Variants in ADAMTS17 observed in about 807,000 individuals in gnomAD.
ADAMTS17 encodes A disintegrin and metalloproteinase with thrombospondin motifs 17.
In ADAMTS17, 113 loss-of-function variants were observed where a neutral mutation model predicts 141.5. The ratio of observed to expected loss-of-function variants is 0.80; its 90% CI spans 0.69 to 0.93. The LOEUF is 0.93. ADAMTS17 is among the 40% of genes least tolerant of loss of function. The probability of loss-of-function intolerance (pLI) is 0.00; values close to 1 mark genes in which losing one functional copy is unlikely to be tolerated. For synonymous variants in ADAMTS17, 768 were observed against 630.6 expected (o/e 1.22, Z -3.27); for missense variants, 1,659 against 1,517.9 (o/e 1.09, Z -1.54).
intron 8 of ADAMTS17, among the ~76,000 whole-genome samples, chr15:100,185,061 T>C (rs2040660477): frequency 6.6e-6 from 1 of 152,302 alleles, no homozygotes; most frequent in South Asian, 2.1e-4. Context: ...GACAGTGCAA[T>C]GAAAGCAATC....
At chr15:100,228,025 C>T (rs139838954) in intron 7 of ADAMTS17, among the ~76,000 whole-genome samples, 148 of 152,332 alleles carry the variant, frequency 9.7e-4, no homozygotes, top group African/African-American at 2.8e-3. Context: ...AAATCCACGA[C>T]GCTTTGTGGA....
intron 8 of ADAMTS17, among the ~76,000 whole-genome samples, chr15:100,178,026 T>C (rs1443761179): frequency 2.0e-5 from 3 of 152,196 alleles, no homozygotes; most frequent in Non-Finnish European, 4.4e-5. Context: ...ATTTTTTCAA[T>C]TTTTAAAATT....
At chr15:100,108,586 C>T (rs920289989) in intron 14 of ADAMTS17, among the ~76,000 whole-genome samples, 6 of 152,210 alleles carry the variant, frequency 3.9e-5, no homozygotes, top group South Asian at 2.1e-4. Flanking sequence ...GACAGCTGGG[C>T]GCACCTATCT....
rs145468892 is a variant in ADAMTS17, at chr15:100,031,350, G to A, written c.2591+17507C>T. Among the ~76,000 whole-genome samples, 504 of 152,366 alleles carry A rather than the reference G, an allele frequency of 3.3e-3. 4 individuals carry two copies. Among genetic ancestry groups the A allele is most frequent in the Middle Eastern group, 0.01 (3 of 294 alleles). On this transcript the variant is annotated intron_variant, in intron 18 of 21. Transcript: ENST00000268070. ...AAACAAATCCATTTCAATAAAGGCT[G>A]CTGTAAAGCATGAGCAGGTAAAGGA... is the stretch of plus-strand genomic sequence containing the variant.
intron 18 of ADAMTS17, among the ~76,000 whole-genome samples, chr15:100,002,587 A>T (rs1247765441): frequency 1.3e-5 from 2 of 152,062 alleles, no homozygotes; most frequent in Non-Finnish European, 2.9e-5. Flanking sequence ...AAAAAGCCAG[A>T]TCTGCGGGGA....
chr15:100,048,437 TG>T lies in ADAMTS17; in HGVS notation c.2591+419del, dbSNP rs1415764033. On this transcript the variant is annotated intron_variant, in intron 18 of 21. Coordinates refer to ENST00000268070, the MANE Select transcript of ADAMTS17 (RefSeq NM_139057.4). ...AATAAACACCAAGATCCACACTCAC[TG>T]GCATGAATTTCAGCCACTGAAACAG... Among the ~76,000 whole-genome samples, 3 of 152,258 alleles carry T rather than the reference TG, an allele frequency of 2.0e-5. No individual in the cohort carries two copies. In the East Asian group the frequency reaches 5.8e-4, roughly 29 times the overall value.
intron 8 of ADAMTS17, among the ~76,000 whole-genome samples, chr15:100,193,711 G>A (rs895221861): frequency 3.3e-5 from 5 of 151,798 alleles, no homozygotes; most frequent in African/African-American, 7.2e-5. Flanking sequence ...CACCATCTAC[G>A]CCAAGCTCCC....
chr15:100,010,024 C>T (rs1020687866), intron 18 of ADAMTS17, among the ~76,000 whole-genome samples: 14 of 152,076 alleles, frequency 9.2e-5, no homozygotes, highest in African/African-American at 3.1e-4. Flanking sequence ...GTTTTTTTCC[C>T]GTGCTGTTCT....
rs189232176 is a variant in ADAMTS17 at position 100,285,421 on chromosome 15, G to C, written c.617-4020C>G. 2.0e-3 allele frequency among the ~76,000 whole-genome samples: 304 copies of C among 152,258 alleles called. 7 individuals are homozygous for C. Among genetic ancestry groups the C allele is most frequent in the Admixed American group, 0.019 (283 of 15,294 alleles). On this transcript the variant is annotated intron_variant, in intron 3 of 21. Coordinates refer to ENST00000268070, the MANE Select transcript of ADAMTS17 (RefSeq NM_139057.4). ...ACTGTGAATTATCAAAGCTCTGTAT[G>C]GAACAGATACTCTTTAGTTTAGAAA...
intron 18 of ADAMTS17, among the ~76,000 whole-genome samples, chr15:100,009,831 A>C (rs184184338): frequency 2.0e-5 from 3 of 152,292 alleles, no homozygotes; most frequent in African/African-American, 7.2e-5. Context: ...GACATGAGGG[A>C]CAGAACACTC....
At chr15:100,095,548 G>C (rs1205774733) in intron 15 of ADAMTS17, among the ~76,000 whole-genome samples, 1 of 152,158 alleles carries the variant, frequency 6.6e-6, no homozygotes, top group African/African-American at 2.4e-5. Flanking sequence ...ATTAAAATAA[G>C]TTTCTCAGCT....
chr15:100,004,829 C>T (rs2061006609), intron 18 of ADAMTS17, among the ~76,000 whole-genome samples: 2 of 152,110 alleles, frequency 1.3e-5, no homozygotes, highest in East Asian at 3.9e-4. Context: ...CCATGTTGGC[C>T]AGGCTGGTCT....
intron 15 of ADAMTS17, among the ~76,000 whole-genome samples, chr15:100,055,192 A>G (rs1202134553): frequency 6.6e-6 from 1 of 152,062 alleles, no homozygotes; most frequent in Non-Finnish European, 1.5e-5. Context: ...CATATATCTC[A>G]TTGGGACCCT....
At chr15:100,189,085 C>G (rs2040826430) in intron 8 of ADAMTS17, among the ~76,000 whole-genome samples, 1 of 152,186 alleles carries the variant, frequency 6.6e-6, no homozygotes, top group Non-Finnish European at 1.5e-5. Context: ...GGCCTGAGCC[C>G]TGCATTTCCA....
intron 10 of ADAMTS17, among the ~76,000 whole-genome samples, chr15:100,133,891 G>C (rs753675999): frequency 7.2e-5 from 5 of 69,084 alleles, no homozygotes; most frequent in Non-Finnish European, 1.7e-4. Flanking sequence ...GCTCAGCTGA[G>C]CTGTGCACAA....
At chr15:100,052,590 G>A (rs927399070) in intron 16 of ADAMTS17, among the ~76,000 whole-genome samples, 6 of 152,186 alleles carry the variant, frequency 3.9e-5, no homozygotes, top group Non-Finnish European at 7.3e-5. Context: ...GTGTTTGCTA[G>A]AGAAAGCAAA....
chr15:100,265,863 T>C (rs2043696507), intron 4 of ADAMTS17, among the ~76,000 whole-genome samples: 1 of 152,224 alleles, frequency 6.6e-6, no homozygotes, highest in Non-Finnish European at 1.5e-5. Context: ...ATGCACATTC[T>C]GGAGTCCACC....
At chr15:100,120,837 A>T (rs939083351) in intron 12 of ADAMTS17, among the ~76,000 whole-genome samples, 1 of 152,240 alleles carries the variant, frequency 6.6e-6, no homozygotes, top group African/African-American at 2.4e-5. Flanking sequence ...AGAAACAGAA[A>T]GTATGGTTCA....
chr15:100,300,337 C>T (rs924514103), intron 3 of ADAMTS17, among the ~76,000 whole-genome samples: 1 of 152,164 alleles, frequency 6.6e-6, no homozygotes, highest in East Asian at 1.9e-4. Flanking sequence ...GACCCATCAT[C>T]AGAATGGCAT....
Sources: gnomAD v4.1 joint callset for allele counts (sites outside exome capture counted in the v4.1 genomes callset) on GRCh38, gnomAD v4.1.1 for gene constraint, MANE v1.5 for transcripts, NCBI Gene and HGNC (gene_info 2026-07-23, HGNC 2026-07-21) for gene names.